Variants in FUT6 observed in about 807,000 individuals in gnomAD.
The protein encoded by FUT6 is 4-galactosyl-N-acetylglucosaminide 3-alpha-L-fucosyltransferase FUT6.
For missense variants in FUT6, 454 were observed against 494.6 expected, an observed-to-expected ratio of 0.92 and a Z score of 0.78; for synonymous variants, 187 against 209.9, an observed-to-expected ratio of 0.89 and a Z score of 0.94.
At chr19:5,837,697 C>T (rs1194620712) in intron 1 of FUT6, among the ~76,000 whole-genome samples, 2 of 152,032 alleles carry the variant, frequency 1.3e-5, no homozygotes, top group African/African-American at 2.4e-5. Context: ...ACCCGGGAGG[C>T]GGAGCTTGCA....
At position 5,831,731 on chromosome 19, in the gene FUT6, GTTGC is replaced by G; in HGVS notation, c.833_836del (p.Ser278ThrfsTer38). The G allele has an allele frequency of 6.2e-7, 1 of 1,612,382 alleles. No individual in the cohort carries two copies. The highest frequency in any genetic ancestry group is 8.5e-7 in the Non-Finnish European group (1 of 1,179,182). ...CGTCGGGTGGCAGGAACCTCTCGTA[GTTGC>G]TTCTGCTGGGGCCCAGCACCACGGG... On this transcript the variant is annotated frameshift_variant, in exon 3 of 3. Transcript: ENST00000318336. LOFTEE classifies it low-confidence loss of function (END_TRUNC). The surrounding 1 kb of genome is among the most constrained non-coding windows in gnomAD (Gnocchi z 7.0).
chr19:5,831,863 C>T lies in FUT6; in HGVS notation c.705G>A (p.Glu235=). The T allele has an allele frequency of 6.2e-7, 1 of 1,613,994 alleles. No individual in the cohort carries two copies. The highest frequency in any genetic ancestry group is 8.5e-7 in the Non-Finnish European group (1 of 1,179,880). The change falls in exon 3 of 3, where the codon GAG becomes GAA. Residue 235 remains glutamate, a synonymous_variant. Coordinates refer to ENST00000318336, the MANE Select transcript of FUT6 (RefSeq NM_000150.4). The surrounding 1 kb of genome is among the most constrained non-coding windows in gnomAD (Gnocchi z 7.0). ...HKPLPQGTMM[E]TLSRYKFYLA... is the part of the protein sequence containing the mutation. ...GATAGAACTTGTACCGGGACAGCGTCTCCATCATGGTTCCCTGGGGCAGGG... is the reference window on the plus strand; with the variant it reads ...GATAGAACTTGTACCGGGACAGCGTTTCCATCATGGTTCCCTGGGGCAGGG...
rs2057072689 is a variant in FUT6, at chr19:5,830,433, C to T, written c.*1055G>A. Among the ~76,000 whole-genome samples, 1 of 151,314 alleles carries T rather than the reference C, an allele frequency of 6.6e-6. No individual in the cohort carries two copies. The highest frequency in any genetic ancestry group is 6.6e-5 in the Admixed American group (1 of 15,142). ...TTGCACACTCAGAAAGGGACACTCCCCCCTTTTTTTTTTTTTCTTGAGACA... is the reference window on the plus strand; with the variant it reads ...TTGCACACTCAGAAAGGGACACTCCTCCCTTTTTTTTTTTTTCTTGAGACA... On this transcript the variant is annotated 3_prime_UTR_variant, in exon 3 of 3. Transcript: ENST00000318336.
chr19:5,835,509 CT>C (rs768190182), intron 1 of FUT6, among the ~76,000 whole-genome samples: 2 of 152,134 alleles, frequency 1.3e-5, no homozygotes, highest in Non-Finnish European at 2.9e-5. Flanking sequence ...ATGGGCCGGG[CT>C]TGGTGGCTCA....
chr19:5,836,954 T>A (rs2057188648), intron 1 of FUT6, among the ~76,000 whole-genome samples: 1 of 152,194 alleles, frequency 6.6e-6, no homozygotes, highest in Non-Finnish European at 1.5e-5. Flanking sequence ...CAATGACTGG[T>A]ATTACAGGCA....
rs548914294 is a variant in FUT6, at chr19:5,831,276, G to A, written c.*212C>T. ...CAGGTAAGGGACATACCTGGCCACCGAAGACTCCAGCAGGTGAGGCCCCAG... is the reference window on the plus strand; with the variant it reads ...CAGGTAAGGGACATACCTGGCCACCAAAGACTCCAGCAGGTGAGGCCCCAG... On this transcript the variant is annotated 3_prime_UTR_variant, in exon 3 of 3. Coordinates refer to ENST00000318336, the MANE Select transcript of FUT6 (RefSeq NM_000150.4). The surrounding 1 kb of genome is among the most constrained non-coding windows in gnomAD (Gnocchi z 7.0). The A allele has an allele frequency of 1.9e-3, 2,107 of 1,118,434 alleles. 7 individuals carry two copies. Among genetic ancestry groups the A allele is most frequent in the South Asian group, 1.9e-3 (153 of 81,574 alleles). 69.3% of individuals were successfully genotyped at this position (1,118,434 alleles called of 1,614,324 possible).
chr19:5,833,172 T>C (rs1568406597), intron 2 of FUT6, among the ~76,000 whole-genome samples: 1 of 152,292 alleles, frequency 6.6e-6, no homozygotes, highest in South Asian at 2.1e-4. Flanking sequence ...CATATTAGAT[T>C]GGTGCAAAAG....
chr19:5,833,634 A>G (rs1348504794), intron 2 of FUT6, among the ~76,000 whole-genome samples: 1 of 151,344 alleles, frequency 6.6e-6, no homozygotes, highest in South Asian at 2.1e-4. Context: ...CTTTACTAAA[A>G]ATACAAAAAT....
Position 5,831,019 on chromosome 19 carries a change from T to C in FUT6, c.*469A>G. 2.1e-6 allele frequency: 1 copy of C among 481,898 alleles called. No homozygotes were observed. The highest frequency in any genetic ancestry group is 2.2e-5 in the South Asian group (1 of 46,382). The allele number at this position is 481,898 out of a possible 1,614,324, so 29.9% of individuals were successfully genotyped here. A position where few individuals can be genotyped will look rare whatever the true frequency, so the allele number is the denominator to read the frequency against. ...ACAAATCAGCCAGAACCATCACTCA[T>C]GGGTGGGGCCCCATGGGTGCCAGTT... On this transcript the variant is annotated 3_prime_UTR_variant, in exon 3 of 3. Transcript: ENST00000318336. This position sits in a 1 kb window ranked among gnomAD's most constrained non-coding sequence, Gnocchi z 7.0.
intron 1 of FUT6, chr19:5,837,935 C>T (rs1410817349): frequency 6.6e-6 from 1 of 152,168 alleles, no homozygotes; most frequent in South Asian, 2.1e-4. Context: ...TCGAGGGACA[C>T]TCAGAGCCCG....
chr19:5,838,748 A>T lies in FUT6; in HGVS notation c.-212T>A, dbSNP rs540380256. 6.6e-6 allele frequency: 1 copy of T among 152,524 alleles called. No homozygotes were observed. Among genetic ancestry groups the T allele is most frequent in the Non-Finnish European group, 1.5e-5 (1 of 68,236 alleles). The allele number at this position is 152,524 out of a possible 1,614,324, so 9.4% of individuals were successfully genotyped here. On this transcript the variant is annotated 5_prime_UTR_variant, in exon 1 of 3. Transcript: ENST00000318336. ...ACGGAGTAACAGCTGGATTCTGAGG[A>T]CGTGGAAGAGGCCACACCACGCAGC... is the stretch of plus-strand genomic sequence containing the variant.
At chr19:5,836,688 T>C (rs1405478764) in intron 1 of FUT6, among the ~76,000 whole-genome samples, 1 of 152,070 alleles carries the variant, frequency 6.6e-6, no homozygotes, top group Non-Finnish European at 1.5e-5. Flanking sequence ...AATTTTATTA[T>C]TTATTATTAT....
rs1208335499 is a variant in FUT6, at chr19:5,832,502, A to G, written c.66T>C (p.Phe22=). 1 of 1,613,792 alleles carries G rather than the reference A, an allele frequency of 6.2e-7. No individual in the cohort carries two copies. The highest frequency in any genetic ancestry group is 1.7e-5 in the Admixed American group (1 of 60,010). ...SWRCCLTTLL[F]QLLMAVCFFS... is the part of the protein sequence containing the mutation. ...AGAAACACACAGCCATCAGCAGCTGAAACAGCAGCGTGGTCAGACAGCAGC... is the reference window on the plus strand; with the variant it reads ...AGAAACACACAGCCATCAGCAGCTGGAACAGCAGCGTGGTCAGACAGCAGC... The change falls in exon 3 of 3, where the codon TTT becomes TTC. Residue 22 remains phenylalanine, a synonymous_variant. Coordinates refer to ENST00000318336, the MANE Select transcript of FUT6 (RefSeq NM_000150.4). This position sits in a 1 kb window ranked among gnomAD's most constrained non-coding sequence, Gnocchi z 4.3.
rs1317725915 is a variant in FUT6, at chr19:5,836,720, C to T, written c.-140-1643G>A. On this transcript the variant is annotated intron_variant, in intron 1 of 2. Coordinates refer to ENST00000318336, the MANE Select transcript of FUT6 (RefSeq NM_000150.4). ...TTATTATTTTGCCAGACATGGTGGC[C>T]TGTAGTCTCAGCTACTCAGGATGCT... Among the ~76,000 whole-genome samples, 4 of 152,186 alleles carry T rather than the reference C, an allele frequency of 2.6e-5. No individual in the cohort carries two copies. The East Asian group carries it at 5.8e-4, about 22-fold the overall frequency.
chr19:5,837,360 A>G (rs915296687), intron 1 of FUT6, among the ~76,000 whole-genome samples: 1 of 151,788 alleles, frequency 6.6e-6, no homozygotes, highest in African/African-American at 2.4e-5. Flanking sequence ...AACTAAATAC[A>G]GATTGAGTAG....
In FUT6 at chr19:5,831,754, C is replaced by T. The variant is rs1395960275; in HGVS notation, c.814G>A (p.Val272Met). The change falls in exon 3 of 3, where the codon GTG becomes ATG. Residue 272 changes from valine (V) to methionine (M), a missense_variant. Coordinates refer to ENST00000318336, the MANE Select transcript of FUT6 (RefSeq NM_000150.4). The surrounding 1 kb of genome is among the most constrained non-coding windows in gnomAD (Gnocchi z 7.0). ...TAGTTGCTTCTGCTGGGGCCCAGCA[C>T]CACGGGCACGGCCCAGGCCTCCAGG... ...NALEAWAVPV[V>M]LGPSRSNYER... The T allele has an allele frequency of 4.3e-6, 7 of 1,612,972 alleles. No homozygotes were observed. Among genetic ancestry groups the T allele is most frequent in the Non-Finnish European group, 5.9e-6 (7 of 1,179,586 alleles).
At position 5,832,717 on chromosome 19, in the gene FUT6, CAA is replaced by C. The variant is rs1260290200; in HGVS notation, c.-12-140_-12-139del. 8.6e-6 allele frequency: 6 copies of C among 696,474 alleles called. No homozygotes were observed. Among genetic ancestry groups the C allele is most frequent in the Non-Finnish European group, 1.5e-5 (6 of 400,848 alleles). 43.1% of individuals were successfully genotyped at this position (696,474 alleles called of 1,614,324 possible). A position where few individuals can be genotyped will look rare whatever the true frequency, so the allele number is the denominator to read the frequency against. On this transcript the variant is annotated intron_variant, in intron 2 of 2. Coordinates refer to ENST00000318336, the MANE Select transcript of FUT6 (RefSeq NM_000150.4). This position sits in a 1 kb window ranked among gnomAD's most constrained non-coding sequence, Gnocchi z 4.3. ...AAAACTGAGACCAAGTGACTCACAGCAAAAGTCAGCACAGCTGGTGTTTGAAC... is the reference window on the plus strand; with the variant it reads ...AAAACTGAGACCAAGTGACTCACAGCAAGTCAGCACAGCTGGTGTTTGAAC...
chr19:5,838,060 G>A (rs970742162), intron 1 of FUT6: 50 of 152,180 alleles, frequency 3.3e-4, no homozygotes, highest in African/African-American at 1.2e-3. Flanking sequence ...ATTATCATGT[G>A]GCCCCTGGGT....
Position 5,831,735 on chromosome 19 carries a change from C to T in FUT6, c.833G>A (p.Ser278Asn). Residue 278 changes from serine (S) to asparagine (N), a missense_variant, in exon 3 of 3, where the codon AGC becomes AAC. Ser to Asn is a conservative substitution (Grantham distance 46). Transcript: ENST00000318336. This position sits in a 1 kb window ranked among gnomAD's most constrained non-coding sequence, Gnocchi z 7.0. ...GGGTGGCAGGAACCTCTCGTAGTTG[C>T]TTCTGCTGGGGCCCAGCACCACGGG... ...AVPVVLGPSRSNYERFLPPDA... is the reference protein window; with the variant it reads ...AVPVVLGPSRNNYERFLPPDA... 6.2e-7 allele frequency: 1 copy of T among 1,612,394 alleles called. No homozygotes were observed. Among genetic ancestry groups the T allele is most frequent in the Non-Finnish European group, 8.5e-7 (1 of 1,179,214 alleles).
Sources: allele counts gnomAD v4.1 joint callset (sites outside exome capture counted in the v4.1 genomes callset), GRCh38; gene constraint gnomAD v4.1.1; non-coding constraint Gnocchi (gnomAD v3.1); transcripts MANE v1.5; gene names NCBI Gene and HGNC (gene_info 2026-07-23, HGNC 2026-07-21).